Variants in TRAPPC9 observed in about 807,000 individuals in gnomAD.
TRAPPC9 encodes trafficking protein particle complex subunit 9.
In TRAPPC9, 83 loss-of-function variants were observed where a neutral mutation model predicts 124.0. That is an observed-to-expected ratio of 0.67 (90% CI 0.56 to 0.80). The LOEUF (loss-of-function observed/expected upper bound fraction) is 0.80, where lower values mean the gene tolerates loss of function less well. Ranked by LOEUF, TRAPPC9 falls within the 30% of genes least tolerant of loss-of-function variation. The pLI, the probability that TRAPPC9 is intolerant of heterozygous loss-of-function variation, is 0.00. For missense variants in TRAPPC9, 1,302 were observed against 1,508.3 expected, an observed-to-expected ratio of 0.86 and a Z score of 2.27; for synonymous variants, 638 against 617.5, an observed-to-expected ratio of 1.03 and a Z score of -0.49.
rs777387876 is a variant in TRAPPC9 at position 139,732,056 on chromosome 8, G to T, written c.3202C>A (p.His1068Asn). The change falls in exon 22 of 23, where the codon CAC becomes AAC. Residue 1068 changes from histidine (H) to asparagine (N), a missense_variant. Physicochemically the swap from His to Asn is moderately conservative, Grantham distance 68 (BLOSUM62 1). Coordinates refer to ENST00000438773, the MANE Select transcript of TRAPPC9 (RefSeq NM_001160372.4). ...FALTVVPFQD[H>N]QNGVHNYDLH... ...TCGTAGTTGTGCACGCCGTTCTGGT[G>T]GTCCTGGAAGGGGACCACAGTGAGG... The T allele has an allele frequency of 2.5e-6, 4 of 1,604,678 alleles. No homozygotes were observed. The highest frequency in any genetic ancestry group is 3.4e-6 in the Non-Finnish European group (4 of 1,175,662).
At chr8:140,377,043 T>G (rs1400795022) in intron 7 of TRAPPC9, among the ~76,000 whole-genome samples, 1 of 152,082 alleles carries the variant, frequency 6.6e-6, no homozygotes, top group Non-Finnish European at 1.5e-5. Context: ...TCAGTGCCCT[T>G]GTTGAGTGCA....
At chr8:139,869,723 G>A (rs1469052346) in intron 21 of TRAPPC9, among the ~76,000 whole-genome samples, 1 of 152,130 alleles carries the variant, frequency 6.6e-6, no homozygotes, top group African/African-American at 2.4e-5. Flanking sequence ...GTATTGAACT[G>A]ATAATACCAT....
chr8:139,905,798 A>G (rs1000337487), intron 20 of TRAPPC9, among the ~76,000 whole-genome samples: 3 of 152,192 alleles, frequency 2.0e-5, no homozygotes, highest in African/African-American at 7.2e-5. Flanking sequence ...TTTCCTAAAG[A>G]AAAAAGGGGT....
chr8:140,150,043 T>C (rs964953093), intron 17 of TRAPPC9, among the ~76,000 whole-genome samples: 9 of 152,212 alleles, frequency 5.9e-5, no homozygotes, highest in Admixed American at 2.0e-4. Flanking sequence ...AGGCAGTCCA[T>C]CTCTGATGAG....
chr8:140,212,196 T>G (rs554314329), intron 17 of TRAPPC9, among the ~76,000 whole-genome samples: 1 of 152,318 alleles, frequency 6.6e-6, no homozygotes, highest in South Asian at 2.1e-4. Flanking sequence ...GCAGGCCACC[T>G]CTCATGGTGA....
intron 21 of TRAPPC9, among the ~76,000 whole-genome samples, chr8:139,829,417 CG>C (rs1268237597): frequency 5.9e-5 from 9 of 152,382 alleles, no homozygotes; most frequent in African/African-American, 2.2e-4. Flanking sequence ...CCTTGTGACC[CG>C]TTCCCGTTCC....
intron 20 of TRAPPC9, among the ~76,000 whole-genome samples, chr8:139,889,226 T>C (rs1830190980): frequency 6.6e-6 from 1 of 152,150 alleles, no homozygotes. Context: ...ATTCCACCGA[T>C]CTGAGGCACC....
At chr8:139,968,933 G>A (rs892871362) in intron 19 of TRAPPC9, among the ~76,000 whole-genome samples, 1 of 152,210 alleles carries the variant, frequency 6.6e-6, no homozygotes, top group African/African-American at 2.4e-5. Context: ...TTTGTCACAT[G>A]GAGAGACCAT....
intron 16 of TRAPPC9, among the ~76,000 whole-genome samples, chr8:140,247,951 C>A (rs1174025034): frequency 6.6e-6 from 1 of 152,124 alleles, no homozygotes; most frequent in Non-Finnish European, 1.5e-5. Context: ...TTCTTCATGT[C>A]TTTTAGCTCA....
chr8:139,759,206 C>G (rs533624442), intron 21 of TRAPPC9, among the ~76,000 whole-genome samples: 1 of 152,184 alleles, frequency 6.6e-6, no homozygotes, highest in African/African-American at 2.4e-5. Flanking sequence ...AATGGCAGAG[C>G]TGGAGTCTGA....
chr8:140,360,766 C>G (rs1051425256), intron 8 of TRAPPC9, among the ~76,000 whole-genome samples: 1 of 152,150 alleles, frequency 6.6e-6, no homozygotes, highest in Non-Finnish European at 1.5e-5. Flanking sequence ...TGAGGTCTTT[C>G]TCTGTCATCC....
At chr8:139,893,250 C>A (rs987655189) in intron 20 of TRAPPC9, among the ~76,000 whole-genome samples, 2 of 152,194 alleles carry the variant, frequency 1.3e-5, no homozygotes, top group Non-Finnish European at 2.9e-5. Context: ...TGGAGATCCA[C>A]ATCCTCACGG....
intron 9 of TRAPPC9, among the ~76,000 whole-genome samples, chr8:140,351,155 G>T (rs1290641055): frequency 8.5e-6 from 1 of 118,164 alleles, no homozygotes; most frequent in Non-Finnish European, 1.8e-5. Flanking sequence ...GATGAGGAAG[G>T]AGAAGCGACA....
intron 18 of TRAPPC9, among the ~76,000 whole-genome samples, chr8:140,017,384 C>T (rs1003460844): frequency 1.1e-4 from 17 of 152,190 alleles, no homozygotes; most frequent in African/African-American, 3.9e-4. Context: ...AATTCATCTC[C>T]AGTGAATTCT....
At chr8:140,397,313 T>C (rs999258191) in intron 7 of TRAPPC9, among the ~76,000 whole-genome samples, 1 of 151,912 alleles carries the variant, frequency 6.6e-6, no homozygotes, top group African/African-American at 2.4e-5. Context: ...ACTTCATGAG[T>C]GACAATATCA....
chr8:140,130,112 G>A (rs1029397416), intron 17 of TRAPPC9, among the ~76,000 whole-genome samples: 23 of 152,190 alleles, frequency 1.5e-4, no homozygotes, highest in Admixed American at 7.8e-4. Context: ...CTTGAGGGGC[G>A]CCCACTGGTC....
At chr8:140,348,040 C>G (rs1160232456) in intron 9 of TRAPPC9, among the ~76,000 whole-genome samples, 1 of 152,208 alleles carries the variant, frequency 6.6e-6, no homozygotes, top group Admixed American at 6.5e-5. Flanking sequence ...TCCAGCAGCT[C>G]TAAGAAGGGC....
In TRAPPC9 at chr8:140,252,078, G is replaced by A. The variant is rs2064144026; in HGVS notation, c.2431+699C>T. ...CTCACTGTGTTGCCCAGGCTGGAGT[G>A]CAGTGGCGTGATCTCGACTCACTGC... On this transcript the variant is annotated intron_variant, in intron 16 of 22. Coordinates refer to ENST00000438773, the MANE Select transcript of TRAPPC9 (RefSeq NM_001160372.4). The surrounding 1 kb of genome is among the most constrained non-coding windows in gnomAD (Gnocchi z 4.2). Among the ~76,000 whole-genome samples, 1 of 151,062 alleles carries A rather than the reference G, an allele frequency of 6.6e-6. No homozygotes were observed. The highest frequency in any genetic ancestry group is 6.6e-5 in the Admixed American group (1 of 15,172).
chr8:140,415,243 T>G (rs1184199303), intron 5 of TRAPPC9, among the ~76,000 whole-genome samples: 1 of 149,820 alleles, frequency 6.7e-6, no homozygotes, highest in Non-Finnish European at 1.5e-5. Context: ...TAAAAATAAT[T>G]GGAAAAAAAA....
Sources: allele counts gnomAD v4.1 joint callset (sites outside exome capture counted in the v4.1 genomes callset), GRCh38; gene constraint gnomAD v4.1.1; non-coding constraint Gnocchi (gnomAD v3.1); transcripts MANE v1.5; gene names NCBI Gene and HGNC (gene_info 2026-07-23, HGNC 2026-07-21).